The following TMEM135 variants were observed in gnomAD, a reference collection of about 807,000 sequenced individuals.
TMEM135 encodes transmembrane protein 135, also known as peroxisomal membrane protein 52.
A neutral mutation model predicts 60.3 loss-of-function variants in TMEM135; 30 were observed. The ratio of observed to expected loss-of-function variants is 0.50; its 90% CI spans 0.37 to 0.68. TMEM135 has a LOEUF of 0.68. Ranked by LOEUF, TMEM135 falls within the 30% of genes least tolerant of loss-of-function variation. The pLI, the probability that TMEM135 is intolerant of heterozygous loss-of-function variation, is 0.00. For missense variants in TMEM135, 468 were observed against 548.8 expected, an observed-to-expected ratio of 0.85 and a Z score of 1.47; for synonymous variants, 190 against 186.7, an observed-to-expected ratio of 1.02 and a Z score of -0.14.
At chr11:87,090,184 T>TAA (rs1857177230) in intron 3 of TMEM135, among the ~76,000 whole-genome samples, 2 of 152,138 alleles carry the variant, frequency 1.3e-5, no homozygotes, top group Non-Finnish European at 2.9e-5. Flanking sequence ...CAATGTTATA[T>TAA]TTTATATATT....
chr11:87,188,196 T>C (rs1464593385), intron 5 of TMEM135, among the ~76,000 whole-genome samples: 4 of 152,188 alleles, frequency 2.6e-5, no homozygotes, highest in Non-Finnish European at 5.9e-5. Context: ...TGTACAGTCA[T>C]ATTTTTGTTC....
At chr11:87,233,463 C>A (rs1940930966) in intron 5 of TMEM135, among the ~76,000 whole-genome samples, 1 of 151,976 alleles carries the variant, frequency 6.6e-6, no homozygotes, top group Non-Finnish European at 1.5e-5. Context: ...TACCATCCAA[C>A]AAATAATGGG....
chr11:87,240,458 A>G (rs1473790824), intron 6 of TMEM135, among the ~76,000 whole-genome samples: 1 of 152,000 alleles, frequency 6.6e-6, no homozygotes, highest in Admixed American at 6.6e-5. Context: ...CCAAATATGT[A>G]TTTATGGGCA....
intron 5 of TMEM135, among the ~76,000 whole-genome samples, chr11:87,179,698 T>G (rs528827764): frequency 6.6e-6 from 1 of 152,340 alleles, no homozygotes; most frequent in Non-Finnish European, 1.5e-5. Context: ...ATTGAATTGC[T>G]TTGGCATCTT....
chr11:87,320,046 T>C (rs1011435242), intron 14 of TMEM135, among the ~76,000 whole-genome samples: 19 of 152,188 alleles, frequency 1.2e-4, no homozygotes, highest in Non-Finnish European at 1.3e-4. Context: ...GCTGGGTAAA[T>C]TGCATGTATG....
Position 87,302,378 on chromosome 11 carries a change from C to T in TMEM135, c.634C>T (p.Gln212Ter), listed in dbSNP as rs748788236. ...AYAKVEQKRE[Q>*]HEEKPGRMNM... ...TGCAAAAGTGGAACAAAAGAGAGAGCAACATGAGGAAAAACCCGGAAGAAT... is the reference window on the plus strand; with the variant it reads ...TGCAAAAGTGGAACAAAAGAGAGAGTAACATGAGGAAAAACCCGGAAGAAT... The change falls in exon 8 of 15, where the codon CAA (glutamine) becomes TAA (stop). Residue 212 changes from glutamine (Q) to a stop codon, truncating the protein, a stop_gained. Transcript: ENST00000305494. LOFTEE classifies it high-confidence loss of function. 6.2e-7 allele frequency: 1 copy of T among 1,613,744 alleles called. No individual in the cohort carries two copies. Among genetic ancestry groups the T allele is most frequent in the South Asian group, 1.1e-5 (1 of 91,072 alleles).
Position 87,159,140 on chromosome 11 carries a change from A to G in TMEM135, c.462+1734A>G, listed in dbSNP as rs536271303. Among the ~76,000 whole-genome samples the G allele has an allele frequency of 4.9e-4, 75 of 152,304 alleles. 1 individual carries two copies. The South Asian group carries it at 0.015, about 31-fold the overall frequency. On this transcript the variant is annotated intron_variant, in intron 5 of 14. Coordinates refer to ENST00000305494, the MANE Select transcript of TMEM135 (RefSeq NM_022918.4). The stretch of plus-strand genomic sequence containing the variant: ...CTTTTGATCAATTTTTCTACTAATT[A>G]TTAGGTGTTGTTCCATGTGGCCAAC...
intron 4 of TMEM135, among the ~76,000 whole-genome samples, chr11:87,100,849 A>C (rs1403612635): frequency 6.6e-6 from 1 of 152,120 alleles, no homozygotes; most frequent in East Asian, 1.9e-4. Context: ...GCAACAGAGC[A>C]ATACTGTCTC....
At chr11:87,270,270 A>G (rs868101086) in intron 6 of TMEM135, among the ~76,000 whole-genome samples, 3 of 150,220 alleles carry the variant, frequency 2.0e-5, no homozygotes, top group African/African-American at 7.3e-5. Flanking sequence ...AGTAGGTTGC[A>G]AAAATTTTCT....
intron 5 of TMEM135, among the ~76,000 whole-genome samples, chr11:87,162,340 T>G (rs747946404): frequency 1.3e-5 from 2 of 152,096 alleles, no homozygotes; most frequent in African/African-American, 2.4e-5. Flanking sequence ...TCATCTACAT[T>G]AGTTATTTCT....
chr11:87,075,370 G>A (rs1856850246), intron 3 of TMEM135, among the ~76,000 whole-genome samples: 1 of 151,952 alleles, frequency 6.6e-6, no homozygotes, highest in Non-Finnish European at 1.5e-5. Flanking sequence ...TAACCAGGAT[G>A]GTTTCGATCT....
At chr11:87,167,556 T>A (rs1451433220) in intron 5 of TMEM135, among the ~76,000 whole-genome samples, 2 of 152,194 alleles carry the variant, frequency 1.3e-5, no homozygotes, top group African/African-American at 4.8e-5. Context: ...TCTGCATCTA[T>A]TGGGATAATC....
intron 6 of TMEM135, among the ~76,000 whole-genome samples, chr11:87,258,467 A>T (rs1409407973): frequency 6.6e-6 from 1 of 152,012 alleles, no homozygotes; most frequent in Non-Finnish European, 1.5e-5. Context: ...CAACAGCTCC[A>T]TTCTTTAAGG....
At chr11:87,059,194 C>T (rs57513594) in intron 1 of TMEM135, among the ~76,000 whole-genome samples, 2,109 of 152,138 alleles carry the variant, frequency 0.014, 29 homozygotes, top group African/African-American at 0.047. Flanking sequence ...GCCTCGGCCT[C>T]CCAAAGTGCT....
At chr11:87,299,764 T>A (rs894905138) in intron 7 of TMEM135, among the ~76,000 whole-genome samples, 1 of 152,328 alleles carries the variant, frequency 6.6e-6, no homozygotes, top group South Asian at 2.1e-4. Flanking sequence ...ATCTCAGGAA[T>A]ATATTTTAGG....
intron 3 of TMEM135, among the ~76,000 whole-genome samples, chr11:87,082,375 G>A (rs1279784993): frequency 6.6e-6 from 1 of 152,158 alleles, no homozygotes; most frequent in Non-Finnish European, 1.5e-5. Flanking sequence ...AAGCTTATAA[G>A]TAATTTGCAA....
At chr11:87,280,292 A>G (rs1025553375) in intron 6 of TMEM135, among the ~76,000 whole-genome samples, 49 of 152,318 alleles carry the variant, frequency 3.2e-4, no homozygotes, top group African/African-American at 1.2e-3. Context: ...TAGGTCATGA[A>G]CATCAAACCT....
intron 6 of TMEM135, among the ~76,000 whole-genome samples, chr11:87,271,779 C>G (rs1193847736): frequency 6.6e-6 from 1 of 151,126 alleles, no homozygotes; most frequent in Non-Finnish European, 1.5e-5. Flanking sequence ...ATAAAAAATA[C>G]AAAAAAAATA....
At chr11:87,242,709 T>C (rs1435508307) in intron 6 of TMEM135, among the ~76,000 whole-genome samples, 5 of 142,566 alleles carry the variant, frequency 3.5e-5, no homozygotes, top group African/African-American at 1.1e-4. Context: ...GTTTGTTTTT[T>C]TCTTGTAAAT....
Sources: gnomAD v4.1 joint callset for allele counts (sites outside exome capture counted in the v4.1 genomes callset) on GRCh38, gnomAD v4.1.1 for gene constraint, MANE v1.5 for transcripts, NCBI Gene and HGNC (gene_info 2026-07-23, HGNC 2026-07-21) for gene names.